The following ABHD6 variants were observed in gnomAD, a reference collection of about 807,000 sequenced individuals.
ABHD6 encodes abhydrolase domain containing 6, acylglycerol lipase.
Under a neutral mutation model 38.8 loss-of-function variants are expected in ABHD6, and 33 were observed. The observed-to-expected ratio is 0.85, with a 90% confidence interval of 0.64 to 1.14. ABHD6 has a LOEUF of 1.14. Ranked by LOEUF, ABHD6 falls within the 50% of genes most tolerant of loss-of-function variation. ABHD6 has a pLI of 0.00. For missense variants in ABHD6, 380 were observed against 422.6 expected, an observed-to-expected ratio of 0.90 and a Z score of 0.88; for synonymous variants, 147 against 161.6, an observed-to-expected ratio of 0.91 and a Z score of 0.69.
chr3:58,264,876 T>C (rs916440457), intron 3 of ABHD6, among the ~76,000 whole-genome samples: 2 of 152,226 alleles, frequency 1.3e-5, no homozygotes, highest in African/African-American at 4.8e-5. Flanking sequence ...ATCCATCCCC[T>C]CAAGCATTTA....
At chr3:58,247,707 A>G (rs555902495) in intron 1 of ABHD6, among the ~76,000 whole-genome samples, 1 of 151,900 alleles carries the variant, frequency 6.6e-6, no homozygotes, top group African/African-American at 2.4e-5. Context: ...CCTGAGTTGC[A>G]GGGACTACAG....
chr3:58,261,235 T>G (rs1400586096), intron 3 of ABHD6, among the ~76,000 whole-genome samples: 1 of 151,964 alleles, frequency 6.6e-6, no homozygotes, highest in Non-Finnish European at 1.5e-5. Flanking sequence ...GGATAAGAAT[T>G]GGAAAAGAAG....
intron 2 of ABHD6, among the ~76,000 whole-genome samples, chr3:58,255,940 T>G (rs2097432924): frequency 6.6e-6 from 1 of 152,072 alleles, no homozygotes; most frequent in Admixed American, 6.6e-5. Context: ...CCACTGCACC[T>G]GTCTCCTTTT....
In ABHD6 at chr3:58,264,535, TA is replaced by T. The variant is rs1478321224; in HGVS notation, c.120-2647del. On this transcript the variant is annotated intron_variant, in intron 3 of 9. Transcript: ENST00000478253. ...GGAGACCCAGTCTCTACCTAAAAAA[TA>T]AAAAAATTAGCCAGGCATGGTATAT... Among the ~76,000 whole-genome samples the T allele has an allele frequency of 1.1e-4, 17 of 149,844 alleles. No homozygotes were observed. In the East Asian group the frequency reaches 3.3e-3, roughly 29 times the overall value.
In ABHD6 at chr3:58,279,855, G is replaced by A. The variant is rs186209165; in HGVS notation, c.681+5040G>A. On this transcript the variant is annotated intron_variant, in intron 7 of 9. Transcript: ENST00000478253. ...ATTTCTCCCTCACTTATGAAGCTTA[G>A]TTTGGCTGGATATGAAATTCTGGGT... is the stretch of plus-strand genomic sequence containing the variant. Among the ~76,000 whole-genome samples the A allele has an allele frequency of 7.4e-3, 1,124 of 152,240 alleles. 14 individuals carry two copies. The highest frequency in any genetic ancestry group is 9.4e-3 in the Non-Finnish European group (641 of 68,016).
intron 2 of ABHD6, among the ~76,000 whole-genome samples, chr3:58,254,647 A>G (rs1173902196): frequency 6.6e-6 from 1 of 152,122 alleles, no homozygotes; most frequent in East Asian, 1.9e-4. Flanking sequence ...CTTTTTCTTG[A>G]AGAAATCTGT....
intron 9 of ABHD6, among the ~76,000 whole-genome samples, chr3:58,289,550 G>C (rs2097460018): frequency 6.6e-6 from 1 of 151,904 alleles, no homozygotes; most frequent in Non-Finnish European, 1.5e-5. Context: ...CAGGGTTGCG[G>C]GGTAAGGTCA....
At chr3:58,280,899 G>C (rs2097452640) in intron 7 of ABHD6, among the ~76,000 whole-genome samples, 1 of 152,180 alleles carries the variant, frequency 6.6e-6, no homozygotes. Context: ...TCCAGACCCT[G>C]TTTGCCTGGG....
rs35305618 is a variant in ABHD6 at position 58,290,639 on chromosome 3, G to A, written c.838-2950G>A. On this transcript the variant is annotated intron_variant, in intron 9 of 9. Coordinates refer to ENST00000478253, the MANE Select transcript of ABHD6 (RefSeq NM_001320126.2). ...TTCTCAGACAGGGCGGTTGCCGGGC[G>A]GAGGGTCTCCTCCCTTCTCAGATGG... 3.5e-5 allele frequency among the ~76,000 whole-genome samples: 5 copies of A among 144,568 alleles called. No individual in the cohort carries two copies. In the South Asian group the frequency reaches 6.8e-4, roughly 20 times the overall value. The allele number at this position is 144,568 out of a possible 152,430, so 94.8% of individuals were successfully genotyped here.
chr3:58,275,138 G>A (rs2097447855), intron 7 of ABHD6, among the ~76,000 whole-genome samples: 1 of 152,074 alleles, frequency 6.6e-6, no homozygotes, highest in African/African-American at 2.4e-5. Context: ...GGAGGCAGGG[G>A]TGGCTTTGAT....
chr3:58,292,205 C>G (rs746230053), intron 9 of ABHD6, among the ~76,000 whole-genome samples: 13 of 152,228 alleles, frequency 8.5e-5, no homozygotes, highest in African/African-American at 1.2e-4. Context: ...GGACTCTTTT[C>G]CTTGACTGAG....
At chr3:58,240,601 G>A (rs1347729181) in intron 1 of ABHD6, among the ~76,000 whole-genome samples, 1 of 151,798 alleles carries the variant, frequency 6.6e-6, no homozygotes, top group Non-Finnish European at 1.5e-5. Context: ...GTCTCACTCT[G>A]TTACCCATGC....
At position 58,256,735 on chromosome 3, in the gene ABHD6, A is replaced by C; in HGVS notation, c.119+30A>C. On this transcript the variant is annotated intron_variant, in intron 3 of 9. Transcript: ENST00000478253. The surrounding 1 kb of genome is among the most constrained non-coding windows in gnomAD (Gnocchi z 4.3). ...GCCAGTTTTATCATTGATGTTTTCA[A>C]GAGTATCATAATATTGACATCTTCT... 6.6e-7 allele frequency: 1 copy of C among 1,513,276 alleles called. No individual in the cohort carries two copies. Among genetic ancestry groups the C allele is most frequent in the East Asian group, 2.3e-5 (1 of 44,300 alleles). The allele number at this position is 1,513,276 out of a possible 1,614,324, so 93.7% of individuals were successfully genotyped here.
At chr3:58,258,068 G>T (rs1270065707) in intron 3 of ABHD6, among the ~76,000 whole-genome samples, 3 of 152,138 alleles carry the variant, frequency 2.0e-5, no homozygotes, top group Non-Finnish European at 4.4e-5. Flanking sequence ...AGCATTTTGG[G>T]AGGCCGAGGC....
At chr3:58,272,835 A>G (rs537045670) in intron 6 of ABHD6, among the ~76,000 whole-genome samples, 1 of 152,290 alleles carries the variant, frequency 6.6e-6, no homozygotes, top group Non-Finnish European at 1.5e-5. Flanking sequence ...CTTTCTAAAA[A>G]TTTTGAAATA....
rs780823311 is a variant in ABHD6 at position 58,251,877 on chromosome 3, A to C, written c.-26+1935A>C. On this transcript the variant is annotated intron_variant, in intron 2 of 9. Transcript: ENST00000478253. This position sits in a 1 kb window ranked among gnomAD's most constrained non-coding sequence, Gnocchi z 5.4. ...TCAAGCACCAAGTCTTTGCCAGGTG[A>C]TGTTTTAGGTTCTGGGAACTCTATT... Among the ~76,000 whole-genome samples the C allele has an allele frequency of 2.0e-5, 3 of 152,184 alleles. No individual in the cohort carries two copies. Among genetic ancestry groups the C allele is most frequent in the Non-Finnish European group, 4.4e-5 (3 of 68,036 alleles).
chr3:58,245,740 A>T (rs1331196823), intron 1 of ABHD6, among the ~76,000 whole-genome samples: 6 of 152,120 alleles, frequency 3.9e-5, no homozygotes, highest in Non-Finnish European at 7.3e-5. Flanking sequence ...AGATCGTGCC[A>T]CTGCACTCTA....
intron 1 of ABHD6, among the ~76,000 whole-genome samples, chr3:58,248,946 A>G (rs758085753): frequency 8.5e-5 from 13 of 152,238 alleles, no homozygotes; most frequent in Non-Finnish European, 1.8e-4. Context: ...CTTATTATAA[A>G]TGAGATTGAG....
chr3:58,260,117 T>G (rs2097435988), intron 3 of ABHD6, among the ~76,000 whole-genome samples: 1 of 152,266 alleles, frequency 6.6e-6, no homozygotes, highest in Non-Finnish European at 1.5e-5. Context: ...TTCCACCTTT[T>G]GGCTATTATG....
Sources: allele counts gnomAD v4.1 joint callset (sites outside exome capture counted in the v4.1 genomes callset), GRCh38; gene constraint gnomAD v4.1.1; non-coding constraint Gnocchi (gnomAD v3.1); transcripts MANE v1.5; gene names NCBI Gene and HGNC (gene_info 2026-07-23, HGNC 2026-07-21).